POFUT3: variants seen among roughly 807,000 people sequenced by gnomAD.
POFUT3 encodes the protein protein O-fucosyltransferase 3.
chr8:33,356,799 T>C, the POFUT3 span, among the ~76,000 whole-genome samples: 2 of 152,170 alleles, frequency 1.3e-5, no homozygotes, highest in Non-Finnish European at 1.5e-5. Context: ...GTTTTTATGG[T>C]TTTAGGTCTA....
At chr8:33,361,767 A>G in the POFUT3 span, among the ~76,000 whole-genome samples, 1 of 152,130 alleles carries the variant, frequency 6.6e-6, no homozygotes, top group South Asian at 2.1e-4. Context: ...AATAATCATA[A>G]TTTCCTTGAT....
At chr8:33,315,657 T>A in the POFUT3 span, among the ~76,000 whole-genome samples, 1 of 151,918 alleles carries the variant, frequency 6.6e-6, no homozygotes, top group Non-Finnish European at 1.5e-5. Context: ...AAGACAGAGA[T>A]AGTTGGGATA....
At chr8:33,399,979 C>T in the POFUT3 span, among the ~76,000 whole-genome samples, 2 of 151,392 alleles carry the variant, frequency 1.3e-5, no homozygotes, top group African/African-American at 4.8e-5. Context: ...GAGAAGATAC[C>T]CATTTGCTAT....
At chr8:33,338,995 AC>A in the POFUT3 span, 1 of 152,214 alleles carries the variant, frequency 6.6e-6, no homozygotes, top group African/African-American at 2.4e-5. Flanking sequence ...TATTTTAATG[AC>A]CCAGTTGCAA....
chr8:33,416,827 C>T, the POFUT3 span, among the ~76,000 whole-genome samples: 5 of 103,720 alleles, frequency 4.8e-5, no homozygotes, highest in Admixed American at 1.3e-4. Context: ...GCCTGGGCGA[C>T]GACAAAAAAA....
At chr8:33,428,118 G>A in the POFUT3 span, among the ~76,000 whole-genome samples, 7 of 151,940 alleles carry the variant, frequency 4.6e-5, no homozygotes, top group South Asian at 2.1e-4. Context: ...GCGAGACTCC[G>A]TCTCAAAAAG....
At chr8:33,372,666 T>A in the POFUT3 span, 1 of 1,614,082 alleles carries the variant, frequency 6.2e-7, no homozygotes, top group Non-Finnish European at 8.5e-7. Flanking sequence ...GCTTCTTTCT[T>A]GGATTGTTCA....
the POFUT3 span, among the ~76,000 whole-genome samples, chr8:33,338,052 C>A: frequency 6.6e-6 from 1 of 152,146 alleles, no homozygotes; most frequent in Non-Finnish European, 1.5e-5. Context: ...TTGTCTCTGT[C>A]CATGTCCTAA....
chr8:33,371,186 C>T, the POFUT3 span: 1 of 152,174 alleles, frequency 6.6e-6, no homozygotes, highest in Admixed American at 6.5e-5. Flanking sequence ...TGTCCAAGAT[C>T]ATATTTAGTT....
At chr8:33,388,786 A>G in the POFUT3 span, 5 of 612,872 alleles carry the variant, frequency 8.2e-6, no homozygotes, top group Non-Finnish European at 1.4e-5. Flanking sequence ...GGGCTTGTAA[A>G]CTTTACGACA....
At chr8:33,449,188 A>G in the POFUT3 span, among the ~76,000 whole-genome samples, 1 of 152,014 alleles carries the variant, frequency 6.6e-6, no homozygotes, top group African/African-American at 2.4e-5. Context: ...CATAAAGGAC[A>G]TACAAAATGC....
At chr8:33,390,818 G>A in the POFUT3 span, among the ~76,000 whole-genome samples, 3 of 152,180 alleles carry the variant, frequency 2.0e-5, no homozygotes, top group African/African-American at 7.2e-5. Flanking sequence ...GCATCCACGG[G>A]ATTAATTGAA....
chr8:33,356,579 T>C, the POFUT3 span, among the ~76,000 whole-genome samples: 1 of 152,150 alleles, frequency 6.6e-6, no homozygotes, highest in Non-Finnish European at 1.5e-5. Context: ...TAGCCCTCTG[T>C]CAGATGAGTA....
At chr8:33,332,744 T>G in the POFUT3 span, among the ~76,000 whole-genome samples, 1 of 152,204 alleles carries the variant, frequency 6.6e-6, no homozygotes, top group African/African-American at 2.4e-5. Flanking sequence ...AACTCGTGTG[T>G]AATGAGGAAG....
At chr8:33,360,032 C>G in the POFUT3 span, among the ~76,000 whole-genome samples, 3 of 149,364 alleles carry the variant, frequency 2.0e-5, no homozygotes, top group Non-Finnish European at 3.0e-5. Context: ...AACAAACAAA[C>G]AAAACAACAA....
chr8:33,437,738 G>A, the POFUT3 span, among the ~76,000 whole-genome samples: 30 of 152,140 alleles, frequency 2.0e-4, no homozygotes, highest in African/African-American at 5.8e-4. Context: ...TTGAACAGGG[G>A]AGGCAGAGGT....
the POFUT3 span, among the ~76,000 whole-genome samples, chr8:33,427,611 C>A: frequency 6.6e-6 from 1 of 151,928 alleles, no homozygotes; most frequent in Admixed American, 6.6e-5. Flanking sequence ...AACAAATTAT[C>A]TTGCTATAAC....
the POFUT3 span, among the ~76,000 whole-genome samples, chr8:33,469,028 G>A: frequency 2.6e-5 from 4 of 152,178 alleles, no homozygotes; most frequent in African/African-American, 7.2e-5. Flanking sequence ...ATGTGAGGCC[G>A]GATGCAGTGG....
the POFUT3 span, among the ~76,000 whole-genome samples, chr8:33,434,154 G>A: frequency 1.3e-3 from 190 of 151,830 alleles, no homozygotes; most frequent in African/African-American, 4.5e-3. Flanking sequence ...CCAGCTACTC[G>A]GGAGGCTGAG....
Sources: gnomAD v4.1 joint callset for allele counts (sites outside exome capture counted in the v4.1 genomes callset) on GRCh38, gnomAD v4.1.1 for gene constraint, MANE v1.5 for transcripts, NCBI Gene and HGNC (gene_info 2026-07-23, HGNC 2026-07-21) for gene names.